DCHS2: variants seen among roughly 807,000 people sequenced by gnomAD.
DCHS2 encodes the protein dachsous cadherin-related 2, also known as protocadherin-23.
In DCHS2, 142 loss-of-function variants were observed where a neutral mutation model predicts 182.4. The ratio of observed to expected loss-of-function variants is 0.78; its 90% CI spans 0.68 to 0.89. The LOEUF (loss-of-function observed/expected upper bound fraction) is 0.89. DCHS2 is among the 40% of genes least tolerant of loss of function. The pLI is 0.00. For missense variants in DCHS2, 4,319 were observed against 4,198.6 expected (o/e 1.03, Z -0.79); for synonymous variants, 1,740 against 1,663.3 (o/e 1.05, Z -1.12).
In DCHS2 at chr4:154,335,119, G is replaced by C; in HGVS notation, c.2477-15C>G. ...GTAAATAATTCCTGGGTAGGGAAAAGAAAACATTGGTAAACAGATAACATG... is the reference window on the plus strand; with the variant it reads ...GTAAATAATTCCTGGGTAGGGAAAACAAAACATTGGTAAACAGATAACATG... On this transcript the variant is annotated splice_polypyrimidine_tract_variant and intron_variant, in intron 3 of 19. Transcript: ENST00000357232. 1 of 1,483,964 alleles carries C rather than the reference G, an allele frequency of 6.7e-7. No individual in the cohort carries two copies. The highest frequency in any genetic ancestry group is 1.4e-5 in the African/African-American group (1 of 72,376). The allele number at this position is 1,483,964 out of a possible 1,614,324, so 91.9% of individuals were successfully genotyped here. A position where few individuals can be genotyped will look rare whatever the true frequency, so the allele number is the denominator to read the frequency against.
intron 12 of DCHS2, among the ~76,000 whole-genome samples, chr4:154,303,986 T>C: frequency 6.6e-6 from 1 of 152,244 alleles, no homozygotes. Flanking sequence ...CTTTTTGGTT[T>C]ACTTATTCAT....
intron 2 of DCHS2, chr4:154,373,983 G>A: frequency 7.1e-7 from 1 of 1,409,662 alleles, no homozygotes. Flanking sequence ...ATCCTTTTTG[G>A]AGGTGGATAT....
At chr4:154,298,864 G>A (rs1735084007) in intron 12 of DCHS2, 156 bp from the exon 13 acceptor site, 4 of 1,136,228 alleles carry the variant, frequency 3.5e-6, no homozygotes, top group African/African-American at 1.6e-5. Flanking sequence ...GGATATAACA[G>A]TAAGCATGAT....
intron 13 of DCHS2, among the ~76,000 whole-genome samples, chr4:154,287,097 A>G (rs962660884): frequency 2.0e-5 from 3 of 152,206 alleles, no homozygotes; most frequent in Admixed American, 2.0e-4. Context: ...CTAGAATACC[A>G]TACTCAGTGA....
Position 154,490,971 on chromosome 4 carries a change from G to C in DCHS2, c.385C>G (p.Arg129Gly), listed in dbSNP as rs768283735. 3.2e-6 allele frequency: 5 copies of C among 1,550,386 alleles called. No individual in the cohort carries two copies. In the South Asian group the frequency reaches 6.0e-5, roughly 18 times the overall value. Reference protein sequence around the residue: ...HPDTGIIRTARRLDRERRDHY... With the variant: ...HPDTGIIRTAGRLDRERRDHY... ...TCCCGCCGCTCGCGGTCCAGGCGCCGCGCAGTGCGGATGATGCCGGTGTCC... is the reference window on the plus strand; with the variant it reads ...TCCCGCCGCTCGCGGTCCAGGCGCCCCGCAGTGCGGATGATGCCGGTGTCC... The change falls in exon 1 of 20, where the codon CGG becomes GGG. Residue 129 changes from arginine to glycine, a missense_variant. By Grantham distance (125) the Arg-to-Gly change is moderately radical. Coordinates refer to ENST00000357232, the MANE Select transcript of DCHS2 (RefSeq NM_001358235.2).
intron 1 of DCHS2, among the ~76,000 whole-genome samples, chr4:154,456,753 G>A (rs1020562978): frequency 3.3e-5 from 5 of 152,116 alleles, no homozygotes; most frequent in African/African-American, 9.7e-5. Context: ...AGAGCTATAG[G>A]TAAAGGGCAT....
At chr4:154,244,223 A>G (rs1176224611) in intron 16 of DCHS2, among the ~76,000 whole-genome samples, 4 of 152,164 alleles carry the variant, frequency 2.6e-5, no homozygotes, top group African/African-American at 9.7e-5. Context: ...TTGCTTTTCT[A>G]TAGTAAGTAT....
chr4:154,472,440 T>A (rs1735509636), intron 1 of DCHS2, among the ~76,000 whole-genome samples: 4 of 152,204 alleles, frequency 2.6e-5, no homozygotes, highest in African/African-American at 9.6e-5. Context: ...AACAATTAAA[T>A]TAAATTAAAT....
chr4:154,413,602 G>A (rs1732714442), intron 1 of DCHS2, among the ~76,000 whole-genome samples: 1 of 152,164 alleles, frequency 6.6e-6, no homozygotes, highest in Admixed American at 6.5e-5. Flanking sequence ...TATGTCATCA[G>A]CTCCCTTACC....
rs371243893 is a variant in DCHS2 at position 154,366,380 on chromosome 4, G to A, written c.2306C>T (p.Pro769Leu). ...VDLEDVNDNH[P>L]VFNPSTYVTS... The stretch of plus-strand genomic sequence containing the variant: ...CACATAGGTTGATGGGTTAAACACA[G>A]GATGATTATCATTCACGTCCTCCAG... The change falls in exon 3 of 20, where the codon CCT becomes CTT. Residue 769 changes from proline (P) to leucine (L), a missense_variant. Coordinates refer to ENST00000357232, the MANE Select transcript of DCHS2 (RefSeq NM_001358235.2). The A allele has an allele frequency of 1.9e-6, 3 of 1,613,862 alleles. No homozygotes were observed. The highest frequency in any genetic ancestry group is 2.2e-5 in the South Asian group (2 of 91,074).
At position 154,332,625 on chromosome 4, in the gene DCHS2, C is replaced by A; in HGVS notation, c.3583G>T (p.Val1195Leu). The A allele has an allele frequency of 6.2e-7, 1 of 1,614,264 alleles. No individual in the cohort carries two copies. The highest frequency in any genetic ancestry group is 1.1e-5 in the South Asian group (1 of 91,086). ...CTCTCTTCGACTTTCAAAAACAACA[C>A]ATCATGCAAGAAGGTGGGGGAATTG... ...NDNSPTFLHD[V>L]LFLKVEESPV... The change falls in exon 5 of 20, where the codon GTG (valine) becomes TTG (leucine). Residue 1195 changes from valine to leucine, a missense_variant. Coordinates refer to ENST00000357232, the MANE Select transcript of DCHS2 (RefSeq NM_001358235.2).
intron 3 of DCHS2, among the ~76,000 whole-genome samples, chr4:154,359,884 T>C (rs1327821787): frequency 6.6e-6 from 1 of 152,090 alleles, no homozygotes; most frequent in East Asian, 1.9e-4. Flanking sequence ...GTTTAGGTAG[T>C]CTTATAAAGA....
chr4:154,332,602 C>G lies in DCHS2; in HGVS notation c.3606G>C (p.Glu1202Asp), dbSNP rs200033495. Residue 1202 changes from glutamate to aspartate, a missense_variant, in exon 5 of 20, where the codon GAG (glutamate) becomes GAC (aspartate). Glu to Asp is a conservative substitution (Grantham distance 45, BLOSUM62 2). Transcript: ENST00000357232. ...LHDVLFLKVE[E>D]SPVPQGVIGK... ...CTATTACCCCTTGGGGAACAGGGCTCTCTTCGACTTTCAAAAACAACACAT... is the reference window on the plus strand; with the variant it reads ...CTATTACCCCTTGGGGAACAGGGCTGTCTTCGACTTTCAAAAACAACACAT... The G allele has an allele frequency of 1.2e-5, 19 of 1,614,094 alleles. No homozygotes were observed. The highest frequency in any genetic ancestry group is 4.5e-5 in the East Asian group (2 of 44,892).
intron 1 of DCHS2, among the ~76,000 whole-genome samples, chr4:154,464,295 C>T (rs1284108543): frequency 6.6e-6 from 1 of 152,120 alleles, no homozygotes; most frequent in Non-Finnish European, 1.5e-5. Context: ...TTTAACTTCT[C>T]TGAGAGAAAT....
chr4:154,343,489 G>A, intron 3 of DCHS2: 3 of 1,460,442 alleles, frequency 2.1e-6, no homozygotes, highest in Non-Finnish European at 2.7e-6. Flanking sequence ...ATCTTAGCTA[G>A]ATTTGCTACA....
At chr4:154,458,037 T>C (rs908990654) in intron 1 of DCHS2, among the ~76,000 whole-genome samples, 1 of 152,214 alleles carries the variant, frequency 6.6e-6, no homozygotes, top group Non-Finnish European at 1.5e-5. Context: ...TGTTCAGATA[T>C]AGAAATAAAT....
At chr4:154,239,935 A>C (rs1731718092) in intron 18 of DCHS2, among the ~76,000 whole-genome samples, 1 of 152,190 alleles carries the variant, frequency 6.6e-6, no homozygotes, top group Non-Finnish European at 1.5e-5. Context: ...CATTACATGC[A>C]TGGCATTAAT....
intron 1 of DCHS2, among the ~76,000 whole-genome samples, chr4:154,479,852 G>T (rs944247534): frequency 2.6e-5 from 4 of 152,160 alleles, no homozygotes; most frequent in African/African-American, 9.7e-5. Flanking sequence ...GGCAGTGGAA[G>T]TGAAACAGAC....
chr4:154,270,234 C>T (rs907666506), intron 13 of DCHS2, among the ~76,000 whole-genome samples: 1 of 152,112 alleles, frequency 6.6e-6, no homozygotes, highest in East Asian at 1.9e-4. Context: ...TGGTTATTAA[C>T]TTGTGTAAGG....
Sources: gnomAD v4.1 joint callset for allele counts (sites outside exome capture counted in the v4.1 genomes callset) on GRCh38, gnomAD v4.1.1 for gene constraint, MANE v1.5 for transcripts, NCBI Gene and HGNC (gene_info 2026-07-23, HGNC 2026-07-21) for gene names.